ZNF69: variants seen among roughly 807,000 people sequenced by gnomAD.
ZNF69 encodes ZNF3.
ZNF69 carries 47 observed loss-of-function variants against 50.9 expected under a neutral mutation model. That is an observed-to-expected ratio of 0.92 (90% CI 0.73 to 1.18). The LOEUF (loss-of-function observed/expected upper bound fraction) is 1.18. Ranked by LOEUF, ZNF69 falls within the 50% of genes most tolerant of loss-of-function variation. The pLI is 0.00. For missense variants in ZNF69, 717 were observed against 675.1 expected (o/e 1.06, Z -0.69); for synonymous variants, 216 against 223.1 (o/e 0.97, Z 0.29).
At chr19:11,940,652 TTCCACAGTG>T in the ZNF69 span, among the ~76,000 whole-genome samples, 1 of 152,096 alleles carries the variant, frequency 6.6e-6, no homozygotes, top group Non-Finnish European at 1.5e-5. Context: ...AGAACAAAGC[TTCCACAGTG>T]TGGAAGGGGA....
At position 11,903,645 on chromosome 19, in the gene ZNF69, A is replaced by G; in HGVS notation, c.136A>G (p.Arg46Gly). ...EEWALLDISQ[R>G]KLYKEVMLET... ...GTGGGCTTTGCTGGATATTTCCCAGAGGAAACTCTACAAGGAAGTGATGCT... is the reference window on the plus strand; with the variant it reads ...GTGGGCTTTGCTGGATATTTCCCAGGGGAAACTCTACAAGGAAGTGATGCT... The change falls in exon 2 of 4, where the codon AGG (arginine) becomes GGG (glycine). Residue 46 changes from arginine to glycine, a missense_variant. Arg to Gly is a moderately radical substitution (Grantham distance 125). Transcript: ENST00000429654. The G allele has an allele frequency of 6.2e-7, 1 of 1,614,164 alleles. No individual in the cohort carries two copies. Among genetic ancestry groups the G allele is most frequent in the Non-Finnish European group, 8.5e-7 (1 of 1,180,014 alleles).
chr19:11,974,613 G>A, the ZNF69 span, among the ~76,000 whole-genome samples: 3 of 147,902 alleles, frequency 2.0e-5, no homozygotes, highest in Admixed American at 6.7e-5. Flanking sequence ...TTTTTTGGGC[G>A]GGGGGGTGGG....
intron 1 of ZNF69, among the ~76,000 whole-genome samples, chr19:11,896,169 A>G (rs1390860666): frequency 7.1e-6 from 1 of 140,936 alleles, no homozygotes; most frequent in East Asian, 2.2e-4. Flanking sequence ...CAGTGAGCCG[A>G]GATCACACCA....
the ZNF69 span, among the ~76,000 whole-genome samples, chr19:11,971,557 C>A: frequency 6.6e-6 from 1 of 152,018 alleles, no homozygotes; most frequent in Admixed American, 6.6e-5. Context: ...GTGAAAAAAA[C>A]AAACTGCCTT....
chr19:11,965,024 A>G, the ZNF69 span: 2 of 635,674 alleles, frequency 3.1e-6, no homozygotes, highest in South Asian at 1.8e-5. Context: ...ATCCAGGCAC[A>G]GAGTGGGTCG....
At chr19:11,930,854 C>G in the ZNF69 span, among the ~76,000 whole-genome samples, 1 of 147,896 alleles carries the variant, frequency 6.8e-6, no homozygotes, top group Admixed American at 6.6e-5. Context: ...TCAAAATTAG[C>G]CAAGCATAGT....
chr19:11,946,368 G>T, the ZNF69 span, among the ~76,000 whole-genome samples: 1 of 152,106 alleles, frequency 6.6e-6, no homozygotes, highest in Non-Finnish European at 1.5e-5. Context: ...AGGACGGGGG[G>T]CATTGCTGTG....
At position 11,900,445 on chromosome 19, in the gene ZNF69, T is replaced by C. The variant is rs563725965; in HGVS notation, c.64-3128T>C. 1.5e-4 allele frequency among the ~76,000 whole-genome samples: 23 copies of C among 151,812 alleles called. No homozygotes were observed. In the East Asian group the frequency reaches 1.6e-3, roughly 10 times the overall value. ...TCGGCTCACTGCAACCTCTGTCTCC[T>C]GGGTTCCAGCGATTCTCCTGCCTCA... is the stretch of plus-strand genomic sequence containing the variant. On this transcript the variant is annotated intron_variant, in intron 1 of 3. Coordinates refer to ENST00000429654, the MANE Select transcript of ZNF69 (RefSeq NM_001364730.1).
Position 11,905,892 on chromosome 19 carries a change from ACT to A in ZNF69, c.1497_1498del (p.Thr501TrpfsTer6). On this transcript the variant is annotated frameshift_variant, in exon 4 of 4. Coordinates refer to ENST00000429654, the MANE Select transcript of ZNF69 (RefSeq NM_001364730.1). LOFTEE classifies it high-confidence loss of function. Reference protein sequence around the residue: ...CPKSLQRHEKTHTGEKLYECK... With the variant: ...CPKSLQRHEKXHTGEKLYECK... ...CAAATCATTGCAAAGACATGAAAAAACTCACACTGGAGAGAAACTCTATGAAT... is the reference window on the plus strand; with the variant it reads ...CAAATCATTGCAAAGACATGAAAAAACACACTGGAGAGAAACTCTATGAAT... 1 of 1,613,642 alleles carries A rather than the reference ACT, an allele frequency of 6.2e-7. No individual in the cohort carries two copies. The highest frequency in any genetic ancestry group is 8.5e-7 in the Non-Finnish European group (1 of 1,179,938).
At chr19:11,909,596 A>C (rs1266743378), downstream of ZNF69, among the ~76,000 whole-genome samples, 1 of 152,242 alleles carries the variant, frequency 6.6e-6, no homozygotes, top group East Asian at 1.9e-4. Context: ...GATGCAGAAA[A>C]GGCCTTCGAC....
chr19:11,948,732 A>G, the ZNF69 span: 1 of 1,612,950 alleles, frequency 6.2e-7, no homozygotes, highest in Non-Finnish European at 8.5e-7. Context: ...CTTTCAGTTT[A>G]TATCTTATCC....
chr19:11,891,908 T>C (rs538930602), intron 1 of ZNF69, among the ~76,000 whole-genome samples: 4 of 152,288 alleles, frequency 2.6e-5, no homozygotes, highest in Admixed American at 2.6e-4. Flanking sequence ...AACACTTGTA[T>C]AGGGAAAAGG....
At chr19:11,907,696 C>T (rs1033362470), downstream of ZNF69, among the ~76,000 whole-genome samples, 10 of 152,124 alleles carry the variant, frequency 6.6e-5, no homozygotes, top group South Asian at 2.1e-4. Flanking sequence ...AAGGAACAAC[C>T]GGTACCAGCC....
the ZNF69 span, among the ~76,000 whole-genome samples, chr19:11,954,390 T>C: frequency 6.6e-6 from 1 of 152,206 alleles, no homozygotes; most frequent in African/African-American, 2.4e-5. Context: ...TCATTTAGAA[T>C]TTTAAGTAAT....
At chr19:11,978,495 A>T in the ZNF69 span, 2 of 1,614,260 alleles carry the variant, frequency 1.2e-6, no homozygotes, top group Non-Finnish European at 1.7e-6. Flanking sequence ...TCGAAGACGC[A>T]TGGTAATGCA....
chr19:11,934,727 A>T, the ZNF69 span, among the ~76,000 whole-genome samples: 1 of 147,366 alleles, frequency 6.8e-6, no homozygotes, highest in Non-Finnish European at 1.5e-5. Context: ...AGGTTTTACC[A>T]TGTTGGCCAG....
the ZNF69 span, chr19:11,980,076 A>C: frequency 9.5e-7 from 1 of 1,050,826 alleles, no homozygotes; most frequent in South Asian, 1.3e-5. Flanking sequence ...GAGTGTAAGC[A>C]ATGTGGAAAA....
At chr19:11,959,415 T>C in the ZNF69 span, among the ~76,000 whole-genome samples, 1 of 152,244 alleles carries the variant, frequency 6.6e-6, no homozygotes, top group Non-Finnish European at 1.5e-5. Flanking sequence ...ATTTTTGATA[T>C]GCAAAGGTGA....
At chr19:11,941,737 G>A in the ZNF69 span, among the ~76,000 whole-genome samples, 2 of 152,232 alleles carry the variant, frequency 1.3e-5, no homozygotes, top group African/African-American at 4.8e-5. Flanking sequence ...CCAGAAAGGG[G>A]CTCCCACAGT....
Sources: gnomAD v4.1 joint callset for allele counts (sites outside exome capture counted in the v4.1 genomes callset) on GRCh38, gnomAD v4.1.1 for gene constraint, MANE v1.5 for transcripts, NCBI Gene and HGNC (gene_info 2026-07-23, HGNC 2026-07-21) for gene names.